The following PLCXD2 variants were observed in gnomAD, a reference collection of about 807,000 sequenced individuals.
The protein encoded by PLCXD2 is phosphatidylinositol specific phospholipase C X domain containing 2.
In PLCXD2, 21 loss-of-function variants were observed where a neutral mutation model predicts 28.6. The observed-to-expected ratio is 0.73, with a 90% CI of 0.52 to 1.06. The LOEUF is 1.06. Among genes scored for constraint, PLCXD2 ranks in the 50% least tolerant of loss-of-function variants. The pLI is 0.00. For missense variants in PLCXD2, 369 were observed against 376.7 expected (o/e 0.98, Z 0.17); for synonymous variants, 140 against 150.1 (o/e 0.93, Z 0.49).
chr3:111,702,686 C>G (rs1941060393), intron 1 of PLCXD2, among the ~76,000 whole-genome samples: 1 of 151,970 alleles, frequency 6.6e-6, no homozygotes, highest in Non-Finnish European at 1.5e-5. Flanking sequence ...CTACCAATTC[C>G]CAAGCAGCAA....
rs1335106577 is a variant in PLCXD2, at chr3:111,675,277, T to C, written c.32T>C (p.Leu11Pro). 1 of 1,614,030 alleles carries C rather than the reference T, an allele frequency of 6.2e-7. No homozygotes were observed. Among genetic ancestry groups the C allele is most frequent in the East Asian group, 2.2e-5 (1 of 44,864 alleles). The stretch of plus-strand genomic sequence containing the variant: ...GCAGTTAGGAAGGCCAGGAGGAAAC[T>C]CAGGATGGGGACCATCTGCTCCCCC... The change falls in exon 1 of 5, where the codon CTC becomes CCC. Residue 11 changes from leucine to proline, a missense_variant. Leu to Pro is a moderately conservative substitution (Grantham distance 98, BLOSUM62 -3). Transcript: ENST00000477665.
intron 3 of PLCXD2, among the ~76,000 whole-genome samples, chr3:111,717,225 A>G (rs1280080963): frequency 6.6e-6 from 1 of 152,056 alleles, no homozygotes; most frequent in Non-Finnish European, 1.5e-5. Context: ...TAGCCTTAAC[A>G]TGAAAATGCC....
chr3:111,684,902 A>C (rs1044991004), intron 1 of PLCXD2, among the ~76,000 whole-genome samples: 2 of 152,180 alleles, frequency 1.3e-5, no homozygotes, highest in African/African-American at 4.8e-5. Flanking sequence ...AGAAAGTGTC[A>C]GCAGGACTTG....
At chr3:111,709,185 T>C (rs1220872595) in intron 2 of PLCXD2, among the ~76,000 whole-genome samples, 2 of 152,210 alleles carry the variant, frequency 1.3e-5, no homozygotes, top group Non-Finnish European at 2.9e-5. Flanking sequence ...GCAGATATTT[T>C]TTAACTCAAG....
intron 1 of PLCXD2, among the ~76,000 whole-genome samples, chr3:111,697,614 GT>G (rs1004204160): frequency 6.6e-6 from 1 of 151,962 alleles, no homozygotes; most frequent in South Asian, 2.1e-4. Flanking sequence ...AACTGATAGG[GT>G]TTTTTTGATG....
intron 1 of PLCXD2, among the ~76,000 whole-genome samples, chr3:111,707,116 T>C (rs1428555810): frequency 6.6e-6 from 1 of 152,164 alleles, no homozygotes; most frequent in Admixed American, 6.5e-5. Flanking sequence ...TACTATCCCT[T>C]TGTTAAGACA....
chr3:111,714,935 A>T, intron 3 of PLCXD2, among the ~76,000 whole-genome samples: 1 of 152,242 alleles, frequency 6.6e-6, no homozygotes, highest in Non-Finnish European at 1.5e-5. Context: ...GTAGCAAAAG[A>T]TATTTACAAG....
At position 111,713,953 on chromosome 3, in the gene PLCXD2, C is replaced by T; in HGVS notation, c.691C>T (p.Pro231Ser). The T allele has an allele frequency of 1.2e-6, 2 of 1,614,110 alleles. No individual in the cohort carries two copies. Among genetic ancestry groups the T allele is most frequent in the East Asian group, 2.2e-5 (1 of 44,876 alleles). Residue 231 changes from proline to serine, a missense_variant, in exon 3 of 5, where the codon CCA becomes TCA. Coordinates refer to ENST00000477665, the MANE Select transcript of PLCXD2 (RefSeq NM_001185106.1). Reference sequence around the variant, plus strand: ...CTTCCTGTGGCCAGGAAAGAAGATTCCAGCGCCCTGGGCAAACACCACAAG... The same window carrying T: ...CTTCCTGTGGCCAGGAAAGAAGATTTCAGCGCCCTGGGCAAACACCACAAG...
intron 3 of PLCXD2, chr3:111,723,314 AC>A (rs1941371508): frequency 6.6e-6 from 1 of 152,168 alleles, no homozygotes; most frequent in Admixed American, 6.6e-5. Context: ...TGCCAGTAAC[AC>A]CCAAGGGCTG....
At chr3:111,726,515 T>C (rs1317505739) in intron 3 of PLCXD2, 1 of 152,214 alleles carries the variant, frequency 6.6e-6, no homozygotes, top group African/African-American at 2.4e-5. Flanking sequence ...TGTCCTGTAT[T>C]GCTTGTTTTA....
intron 1 of PLCXD2, among the ~76,000 whole-genome samples, chr3:111,706,246 G>T (rs1302208535): frequency 6.6e-6 from 1 of 152,094 alleles, no homozygotes; most frequent in Non-Finnish European, 1.5e-5. Context: ...TGAGTTGTTT[G>T]AATTCCTTGT....
chr3:111,706,754 C>T (rs9826068), intron 1 of PLCXD2, among the ~76,000 whole-genome samples: 4,560 of 145,652 alleles, frequency 0.031, 96 homozygotes, highest in Non-Finnish European at 0.046. Context: ...TCCACACAAA[C>T]GGAAACCAAA....
In PLCXD2 at chr3:111,675,415, G is replaced by A. The variant is rs201511192; in HGVS notation, c.163+7G>A. On this transcript the variant is annotated splice_region_variant and intron_variant, in intron 1 of 4. Coordinates refer to ENST00000477665, the MANE Select transcript of PLCXD2 (RefSeq NM_001185106.1). ...TCCAATCTGGCAATCCCAGGTATTC[G>A]TCTATTCCTACTTGTTCCCACTGTG... 14 of 1,613,876 alleles carry A rather than the reference G, an allele frequency of 8.7e-6. 1 individual carries two copies. In the Middle Eastern group the frequency reaches 8.3e-4, roughly 95 times the overall value.
At chr3:111,681,658 A>G (rs1297828657) in intron 1 of PLCXD2, among the ~76,000 whole-genome samples, 3 of 152,174 alleles carry the variant, frequency 2.0e-5, no homozygotes, top group Non-Finnish European at 4.4e-5. Flanking sequence ...CACTGGGCCC[A>G]AATCTCAATA....
At position 111,708,049 on chromosome 3, in the gene PLCXD2, T is replaced by G; in HGVS notation, c.287T>G (p.Val96Gly). 2 of 1,614,170 alleles carry G rather than the reference T, an allele frequency of 1.2e-6. No individual in the cohort carries two copies. Among genetic ancestry groups the G allele is most frequent in the East Asian group, 4.5e-5 (2 of 44,890 alleles). ...AAGAAGCTAATGAAGAAGTGGTCTGTGACTCAGAACCTGACATTTCGAGAA... is the reference window on the plus strand; with the variant it reads ...AAGAAGCTAATGAAGAAGTGGTCTGGGACTCAGAACCTGACATTTCGAGAA... Residue 96 changes from valine (V) to glycine (G), a missense_variant, in exon 2 of 5, where the codon GTG becomes GGG. Transcript: ENST00000477665.
intron 2 of PLCXD2, among the ~76,000 whole-genome samples, chr3:111,709,776 A>G (rs1941174630): frequency 6.6e-6 from 1 of 152,184 alleles, no homozygotes; most frequent in Non-Finnish European, 1.5e-5. Context: ...GAGTAGTGAG[A>G]GGAGGTCAGA....
At chr3:111,699,004 A>C (rs1345650343) in intron 1 of PLCXD2, among the ~76,000 whole-genome samples, 1 of 152,212 alleles carries the variant, frequency 6.6e-6, no homozygotes, top group Admixed American at 6.5e-5. Flanking sequence ...GTGTCAATAC[A>C]CATGGGGTGG....
At chr3:111,712,981 G>C (rs1359089093) in intron 2 of PLCXD2, among the ~76,000 whole-genome samples, 1 of 152,176 alleles carries the variant, frequency 6.6e-6, no homozygotes, top group Non-Finnish European at 1.5e-5. Flanking sequence ...GGTCCCTGTG[G>C]AGGCCAGTTG....
chr3:111,719,987 G>A (rs1941323644), intron 3 of PLCXD2, among the ~76,000 whole-genome samples: 3 of 152,186 alleles, frequency 2.0e-5, no homozygotes, highest in Non-Finnish European at 4.4e-5. Flanking sequence ...ATAGATGCTT[G>A]CAGTTGGAAT....
Sources: gnomAD v4.1 joint callset for allele counts (sites outside exome capture counted in the v4.1 genomes callset) on GRCh38, gnomAD v4.1.1 for gene constraint, MANE v1.5 for transcripts, NCBI Gene and HGNC (gene_info 2026-07-23, HGNC 2026-07-21) for gene names.